The following BAIAP2 variants were observed in gnomAD, a reference collection of about 807,000 sequenced individuals.
BAIAP2 encodes BAR/IMD domain containing adaptor protein 2, also known as BAR/IMD domain-containing adapter protein 2.
BAIAP2 carries 18 observed loss-of-function variants against 63.0 expected under a neutral mutation model. That is an observed-to-expected ratio of 0.29 (90% CI 0.20 to 0.42). The LOEUF is 0.42. Ranked by LOEUF, BAIAP2 falls within the 10% of genes least tolerant of loss-of-function variation. The pLI is 1.00. For missense variants in BAIAP2, 610 were observed against 734.3 expected, an observed-to-expected ratio of 0.83 and a Z score of 1.96; for synonymous variants, 386 against 307.6, an observed-to-expected ratio of 1.25 and a Z score of -2.67.
intron 1 of BAIAP2, among the ~76,000 whole-genome samples, chr17:81,049,329 G>A (rs1468219812): frequency 6.6e-6 from 1 of 152,230 alleles, no homozygotes; most frequent in African/African-American, 2.4e-5. Context: ...GGATGGCACA[G>A]CGTGTCCCTG....
At chr17:81,066,872 G>A (rs570371470) in intron 3 of BAIAP2, among the ~76,000 whole-genome samples, 65 of 152,342 alleles carry the variant, frequency 4.3e-4, no homozygotes, top group Non-Finnish European at 7.5e-4. Flanking sequence ...CCTCCCTTTG[G>A]GCCAGTGACT....
chr17:81,072,310 C>T (rs1305974552), intron 3 of BAIAP2, among the ~76,000 whole-genome samples: 2 of 152,246 alleles, frequency 1.3e-5, no homozygotes, highest in Non-Finnish European at 2.9e-5. Flanking sequence ...TGCTCCTTCA[C>T]CTCCTCCTGC....
chr17:81,050,175 A>G lies in BAIAP2; in HGVS notation c.55-3493A>G, dbSNP rs557338822. 3.6e-3 allele frequency among the ~76,000 whole-genome samples: 548 copies of G among 152,300 alleles called. 4 individuals are homozygous for G. The highest frequency in any genetic ancestry group is 0.013 in the African/African-American group (526 of 41,568). On this transcript the variant is annotated intron_variant, in intron 1 of 13. Coordinates refer to ENST00000428708, the MANE Select transcript of BAIAP2 (RefSeq NM_001144888.2). ...GCCCAGCGGCTGGATGCAGATGCAG[A>G]AGGAGGAACTGGCCCTTCCGCCCGC...
chr17:81,085,240 C>A lies in BAIAP2; in HGVS notation c.279+347C>A, dbSNP rs1299051162. 6 of 497,848 alleles carry A rather than the reference C, an allele frequency of 1.2e-5. No homozygotes were observed. In the East Asian group the frequency reaches 2.2e-4, roughly 19 times the overall value. 30.8% of individuals were successfully genotyped at this position (497,848 alleles called of 1,614,324 possible). On this transcript the variant is annotated intron_variant, in intron 4 of 13. Transcript: ENST00000428708. ...CTCTCCGACTGTAGGCAGAGGCAGA[C>A]CCCACACAACCAGAGCACGTTGCTG...
rs370046888 is a variant in BAIAP2 at position 81,067,331 on chromosome 17, C to T, written c.217+9364C>T. Among the ~76,000 whole-genome samples the T allele has an allele frequency of 2.2e-3, 336 of 152,358 alleles. 5 individuals are homozygous for T. In the South Asian group the frequency reaches 0.041, roughly 19 times the overall value. On this transcript the variant is annotated intron_variant, in intron 3 of 13. Transcript: ENST00000428708. ...CCCCCACCGCCTGTTCGCAGAGGCG[C>T]GTGCTCCTGCTGAACTCTGTGGGGA... is the stretch of plus-strand genomic sequence containing the variant.
intron 3 of BAIAP2, among the ~76,000 whole-genome samples, chr17:81,079,054 G>C (rs1598668474): frequency 1.3e-5 from 2 of 152,292 alleles, no homozygotes; most frequent in South Asian, 4.1e-4. Context: ...AAAGGAGCTG[G>C]GGACTCAGCA....
chr17:81,057,796 T>C (rs2049839366), intron 2 of BAIAP2, 85 bp from the exon 3 acceptor site: 4 of 1,519,308 alleles, frequency 2.6e-6, no homozygotes, highest in Non-Finnish European at 3.5e-6. Flanking sequence ...GTTGGGCCTG[T>C]GCGTGCCAAG....
chr17:81,081,221 C>T lies in BAIAP2; in HGVS notation c.218-3611C>T, dbSNP rs1052110357. Among the ~76,000 whole-genome samples, 3 of 152,310 alleles carry T rather than the reference C, an allele frequency of 2.0e-5. No homozygotes were observed. The East Asian group carries it at 5.8e-4, about 29-fold the overall frequency. On this transcript the variant is annotated intron_variant, in intron 3 of 13. Coordinates refer to ENST00000428708, the MANE Select transcript of BAIAP2 (RefSeq NM_001144888.2). ...CTGGAGGCTTCCTGAGCCCAGAGGT[C>T]GTGGTGTCCATCCTGGGAATTTATA...
Position 81,108,625 on chromosome 17 carries a change from G to C in BAIAP2, c.1535+116G>C, listed in dbSNP as rs575270580. On this transcript the variant is annotated intron_variant, in intron 13 of 13. Transcript: ENST00000428708. ...CTCTTTTCCTTTAGGGCCCAGCCTG[G>C]CCCTTCACCCCTGTCAGAGCCGGGG... is the stretch of plus-strand genomic sequence containing the variant. 1.4e-4 allele frequency: 191 copies of C among 1,360,964 alleles called. No homozygotes were observed. In the African/African-American group the frequency reaches 2.5e-3, roughly 18 times the overall value. 84.3% of individuals were successfully genotyped at this position (1,360,964 alleles called of 1,614,324 possible).
rs1555659134 is a variant in BAIAP2 at position 81,057,987 on chromosome 17, C to CCT, written c.217+21_217+22insTC. On this transcript the variant is annotated intron_variant, in intron 3 of 13. Coordinates refer to ENST00000428708, the MANE Select transcript of BAIAP2 (RefSeq NM_001144888.2). ...AACTCGGTGAGACCCCCCCCCCCCCCCCGCCTGGTAGTCGCCTGATGCCCT... is the reference window on the plus strand; with the variant it reads ...AACTCGGTGAGACCCCCCCCCCCCCCCTCCGCCTGGTAGTCGCCTGATGCCCT... 1 of 1,149,230 alleles carries CCT rather than the reference C, an allele frequency of 8.7e-7. No individual in the cohort carries two copies. The highest frequency in any genetic ancestry group is 1.1e-6 in the Non-Finnish European group (1 of 870,132). The allele number at this position is 1,149,230 out of a possible 1,614,324, so 71.2% of individuals were successfully genotyped here.
rs572705596 is a variant in BAIAP2, at chr17:81,104,452, C to T, written c.1067-62C>T. The T allele has an allele frequency of 5.5e-5, 84 of 1,517,662 alleles. No homozygotes were observed. The Middle Eastern group carries it at 2.7e-3, about 49-fold the overall frequency. 94.0% of individuals were successfully genotyped at this position (1,517,662 alleles called of 1,614,324 possible). A position where few individuals can be genotyped will look rare whatever the true frequency, so the allele number is the denominator to read the frequency against. The stretch of plus-strand genomic sequence containing the variant: ...GTGCTCTCAGCACCTCAACCAGACT[C>T]CCTGGGCTTTGCTGCCCCGCCAGCC... On this transcript the variant is annotated intron_variant, in intron 9 of 13. Coordinates refer to ENST00000428708, the MANE Select transcript of BAIAP2 (RefSeq NM_001144888.2).
rs527571896 is a variant in BAIAP2 at position 81,055,377 on chromosome 17, G to C, written c.130+1634G>C. Among the ~76,000 whole-genome samples the C allele has an allele frequency of 3.8e-4, 58 of 152,132 alleles. 1 individual carries two copies. In the South Asian group the frequency reaches 0.011, roughly 30 times the overall value. ...TTCCTTGTGGGCATGAATGGGACAG[G>C]GAGCTCCCTTGGGCCACCTCCTGTT... On this transcript the variant is annotated intron_variant, in intron 2 of 13. Transcript: ENST00000428708.
chr17:81,042,645 C>T (rs1456017868), intron 1 of BAIAP2, among the ~76,000 whole-genome samples: 2 of 151,808 alleles, frequency 1.3e-5, no homozygotes, highest in Non-Finnish European at 2.9e-5. Context: ...AGTCGCAGGA[C>T]GTGAATGGTG....
intron 3 of BAIAP2, among the ~76,000 whole-genome samples, chr17:81,069,365 C>T (rs116144953): frequency 0.053 from 8,140 of 152,182 alleles, 252 homozygotes; most frequent in Middle Eastern, 0.068. Flanking sequence ...TACCGAGGGG[C>T]GGCGCTCATG....
At chr17:81,038,982 G>C (rs760938724) in intron 1 of BAIAP2, among the ~76,000 whole-genome samples, 1 of 152,248 alleles carries the variant, frequency 6.6e-6, no homozygotes, top group African/African-American at 2.4e-5. Flanking sequence ...ACATGTGTAT[G>C]TGTGTCCGTG....
chr17:81,061,341 G>A (rs2050518735), intron 3 of BAIAP2, among the ~76,000 whole-genome samples: 1 of 152,210 alleles, frequency 6.6e-6, no homozygotes, highest in South Asian at 2.1e-4. Context: ...TGAGTGTCCA[G>A]TGTGATGAGT....
At chr17:81,106,048 C>A in intron 10 of BAIAP2, 30 bp from the exon 11 acceptor site, 1 of 1,554,654 alleles carries the variant, frequency 6.4e-7, no homozygotes, top group Non-Finnish European at 8.7e-7. Context: ...CTGGGCTGAG[C>A]GTGGCTCTTA....
At chr17:81,092,988 C>CGGGGGCA (rs924644555) in intron 6 of BAIAP2, among the ~76,000 whole-genome samples, 1 of 151,938 alleles carries the variant, frequency 6.6e-6, no homozygotes. Context: ...GCCCACCGCT[C>CGGGGGCA]GGGGGCAGGG....
At chr17:81,102,275 C>T (rs1190731240) in intron 7 of BAIAP2, among the ~76,000 whole-genome samples, 1 of 152,172 alleles carries the variant, frequency 6.6e-6, no homozygotes, top group African/African-American at 2.4e-5. Context: ...GCGGGGGTGA[C>T]GCTGGCTCGT....
Sources: gnomAD v4.1 joint callset for allele counts (sites outside exome capture counted in the v4.1 genomes callset) on GRCh38, gnomAD v4.1.1 for gene constraint, MANE v1.5 for transcripts, NCBI Gene and HGNC (gene_info 2026-07-23, HGNC 2026-07-21) for gene names.